Variants in TEAD1 observed in about 807,000 individuals in gnomAD.
TEAD1 encodes TEA domain transcription factor 1.
A neutral mutation model predicts 54.9 loss-of-function variants in TEAD1; 9 were observed. That is an observed-to-expected ratio of 0.16 (90% CI 0.10 to 0.29). TEAD1 has a LOEUF of 0.29. Among genes scored for constraint, TEAD1 ranks in the 10% least tolerant of loss-of-function variants. The pLI is 1.00. For missense variants in TEAD1, 387 were observed against 535.9 expected, an observed-to-expected ratio of 0.72 and a Z score of 2.74; for synonymous variants, 200 against 187.8, an observed-to-expected ratio of 1.07 and a Z score of -0.53.
intron 2 of TEAD1, among the ~76,000 whole-genome samples, chr11:12,677,760 A>G (rs928366467): frequency 5.9e-5 from 9 of 152,220 alleles, no homozygotes; most frequent in Non-Finnish European, 1.2e-4. Context: ...CTTTTGAAGA[A>G]ATGAGCTGTG....
intron 5 of TEAD1, chr11:12,878,980 C>T: frequency 1.8e-6 from 2 of 1,117,126 alleles, no homozygotes; most frequent in African/African-American, 1.6e-5. Flanking sequence ...GTGTTGTTAG[C>T]CTTGGCTTTC....
intron 2 of TEAD1, among the ~76,000 whole-genome samples, chr11:12,686,171 G>C (rs529069009): frequency 1.3e-5 from 2 of 152,298 alleles, no homozygotes; most frequent in Admixed American, 1.3e-4. Context: ...AAATGTCCCA[G>C]TTTGGATGAT....
chr11:12,761,553 C>A (rs935461625), intron 2 of TEAD1, among the ~76,000 whole-genome samples: 2 of 152,224 alleles, frequency 1.3e-5, no homozygotes, highest in African/African-American at 4.8e-5. Context: ...CAGGGACAAC[C>A]TCTGAGGGGC....
Position 12,879,862 on chromosome 11 carries a change from C to A in TEAD1, c.465+20C>A, listed in dbSNP as rs1365843512. ...CCGGGGGTAAGTCATGAGCTCAGTCCAGTAATGACAGCTGCTGGGGTTGGG... is the reference window on the plus strand; with the variant it reads ...CCGGGGGTAAGTCATGAGCTCAGTCAAGTAATGACAGCTGCTGGGGTTGGG... On this transcript the variant is annotated intron_variant, in intron 6 of 12. Coordinates refer to ENST00000527636, the MANE Select transcript of TEAD1 (RefSeq NM_021961.6). The A allele has an allele frequency of 6.2e-7, 1 of 1,612,492 alleles. No individual in the cohort carries two copies. Among genetic ancestry groups the A allele is most frequent in the Admixed American group, 1.7e-5 (1 of 60,012 alleles).
chr11:12,834,277 T>C (rs186872770), intron 3 of TEAD1, among the ~76,000 whole-genome samples: 2 of 152,378 alleles, frequency 1.3e-5, no homozygotes, highest in East Asian at 3.9e-4. Flanking sequence ...TAGACTATTC[T>C]TTTTAAATCA....
At chr11:12,735,562 A>ATT (rs58093822) in intron 2 of TEAD1, among the ~76,000 whole-genome samples, 88 of 121,006 alleles carry the variant, frequency 7.3e-4, no homozygotes, top group African/African-American at 1.0e-3. Flanking sequence ...TCCTGGTTCG[A>ATT]TTTTTTTTTT....
rs574256287 is a variant in TEAD1, at chr11:12,881,201, C to G, written c.512+150C>G. 175 of 859,080 alleles carry G rather than the reference C, an allele frequency of 2.0e-4. 3 individuals are homozygous for G. The South Asian group carries it at 2.8e-3, about 14-fold the overall frequency. 53.2% of individuals were successfully genotyped at this position (859,080 alleles called of 1,614,324 possible). ...GAAGGCATCCCCTTTTTATTGTGTA[C>G]TTAGGCCCCTGGCAGGAAAGAGACT... On this transcript the variant is annotated intron_variant, in intron 7 of 12. Transcript: ENST00000527636.
rs1949119119 is a variant in TEAD1, at chr11:12,937,284, C to G, written c.*62C>G. 7.7e-7 allele frequency: 1 copy of G among 1,304,698 alleles called. No individual in the cohort carries two copies. Among genetic ancestry groups the G allele is most frequent in the Non-Finnish European group, 1.1e-6 (1 of 910,806 alleles). The allele number at this position is 1,304,698 out of a possible 1,614,324, so 80.8% of individuals were successfully genotyped here. On this transcript the variant is annotated 3_prime_UTR_variant, in exon 13 of 13. Transcript: ENST00000527636. ...ACACACACATATGTGCACACACACA[C>G]TCTCTCTCCATTATCGAACGACTGA...
chr11:12,893,123 A>G (rs1421296520), intron 9 of TEAD1, among the ~76,000 whole-genome samples: 2 of 152,204 alleles, frequency 1.3e-5, no homozygotes, highest in Non-Finnish European at 2.9e-5. Context: ...TAATGTTCCC[A>G]TCTCATGCTT....
intron 3 of TEAD1, among the ~76,000 whole-genome samples, chr11:12,845,957 T>A (rs980839168): frequency 6.6e-6 from 1 of 152,224 alleles, no homozygotes; most frequent in Admixed American, 6.5e-5. Flanking sequence ...AAGGCACGAA[T>A]CATCCAGCAG....
intron 10 of TEAD1, among the ~76,000 whole-genome samples, chr11:12,916,325 G>A (rs562383445): frequency 2.0e-5 from 3 of 152,226 alleles, no homozygotes; most frequent in South Asian, 4.1e-4. Flanking sequence ...CCACACACCC[G>A]ACAAACGTGG....
At chr11:12,879,464 G>A (rs1339903411) in intron 5 of TEAD1, 1 of 627,556 alleles carries the variant, frequency 1.6e-6, no homozygotes, top group Admixed American at 2.5e-5. Context: ...ACATTCTGTT[G>A]GAAAATGGAT....
chr11:12,844,221 TGCC>T (rs1947095203), intron 3 of TEAD1, among the ~76,000 whole-genome samples: 2 of 152,230 alleles, frequency 1.3e-5, no homozygotes, highest in African/African-American at 2.4e-5. Flanking sequence ...TTTATGGTAG[TGCC>T]GCCATTGTTT....
intron 2 of TEAD1, among the ~76,000 whole-genome samples, chr11:12,716,682 T>C (rs1944069627): frequency 6.6e-6 from 1 of 152,260 alleles, no homozygotes; most frequent in Admixed American, 6.5e-5. Flanking sequence ...TGGATGTGGC[T>C]ATGTTCCAGT....
intron 3 of TEAD1, among the ~76,000 whole-genome samples, chr11:12,783,855 G>A (rs938219394): frequency 3.3e-5 from 5 of 152,196 alleles, no homozygotes; most frequent in Non-Finnish European, 5.9e-5. Flanking sequence ...GAGAGGTTAC[G>A]GGAGTGAAGT....
At chr11:12,845,928 C>T (rs1022451750) in intron 3 of TEAD1, among the ~76,000 whole-genome samples, 1 of 152,232 alleles carries the variant, frequency 6.6e-6, no homozygotes, top group Non-Finnish European at 1.5e-5. Context: ...TCCTGCGGAG[C>T]GCCTTTCCAA....
chr11:12,898,766 A>G (rs766635912), intron 9 of TEAD1, among the ~76,000 whole-genome samples: 5 of 152,296 alleles, frequency 3.3e-5, no homozygotes, highest in Middle Eastern at 3.4e-3. Context: ...TAATATTCAC[A>G]TATGTTGCAA....
intron 10 of TEAD1, among the ~76,000 whole-genome samples, chr11:12,916,486 G>A (rs764261361): frequency 6.6e-6 from 1 of 152,198 alleles, no homozygotes; most frequent in African/African-American, 2.4e-5. Flanking sequence ...AAATTGACAA[G>A]TGAACAGGAG....
At chr11:12,803,406 T>A (rs563799581) in intron 3 of TEAD1, among the ~76,000 whole-genome samples, 8 of 152,352 alleles carry the variant, frequency 5.3e-5, no homozygotes, top group Non-Finnish European at 1.2e-4. Context: ...CTTCTCTTTC[T>A]TGGTTTAAGT....
Sources: allele counts gnomAD v4.1 joint callset (sites outside exome capture counted in the v4.1 genomes callset), GRCh38; gene constraint gnomAD v4.1.1; transcripts MANE v1.5; gene names NCBI Gene and HGNC (gene_info 2026-07-23, HGNC 2026-07-21).